Variants in ZNF674 observed in about 807,000 individuals in gnomAD.
ZNF674 encodes zinc finger protein 674, also known as zinc finger family member 674.
ZNF674 carries 2 observed loss-of-function variants against 7.0 expected under a neutral mutation model. The observed-to-expected ratio is 0.29, with a 90% confidence interval of 0.12 to 0.90. The LOEUF (loss-of-function observed/expected upper bound fraction) is 0.90, where lower values mean the gene tolerates loss of function less well. Ranked by LOEUF, ZNF674 falls within the 40% of genes least tolerant of loss-of-function variation. The pLI is 0.57. For missense variants in ZNF674, 297 were observed against 415.5 expected (o/e 0.71, Z 2.48); for synonymous variants, 103 against 145.2 (o/e 0.71, Z 2.09).
chrX:46,531,575 G>A (rs1441743409), intron 3 of ZNF674, among the ~76,000 whole-genome samples: 3 of 111,417 alleles, frequency 2.7e-5, no homozygotes. Flanking sequence ...CCTGGGGCCT[G>A]GGATTACATC....
chrX:46,537,442 G>C (rs763960689), intron 3 of ZNF674, among the ~76,000 whole-genome samples: 1 of 111,768 alleles, frequency 8.9e-6, no homozygotes, highest in African/African-American at 3.2e-5. Flanking sequence ...GCAAACAGTA[G>C]AAGGGCTGAG....
chrX:46,499,804 A>C lies in ZNF674; in HGVS notation c.*39T>G. 1 of 1,007,849 alleles carries C rather than the reference A, an allele frequency of 9.9e-7. No individual in the cohort carries two copies. Among genetic ancestry groups the C allele is most frequent in the South Asian group, 2.7e-5 (1 of 36,727 alleles). 83.1% of individuals were successfully genotyped at this position (1,007,849 alleles called of 1,213,427 possible). A position where few individuals can be genotyped will look rare whatever the true frequency, so the allele number is the denominator to read the frequency against. ...ATGAGACTAGTAATAGTCAAATGAC[A>C]AATAACTACTAGTATAATTATCCCA... On this transcript the variant is annotated 3_prime_UTR_variant, in exon 6 of 6. Transcript: ENST00000683375.
chrX:46,526,598 G>A (rs769871285), intron 5 of ZNF674, among the ~76,000 whole-genome samples: 8 of 110,752 alleles, frequency 7.2e-5, no homozygotes, highest in Non-Finnish European at 1.3e-4. Flanking sequence ...TATCAGCAAC[G>A]ATGGCAAAGT....
intron 5 of ZNF674, chrX:46,525,390 G>C: frequency 4.7e-6 from 1 of 213,771 alleles, no homozygotes; most frequent in Non-Finnish European, 8.8e-6. Flanking sequence ...ATCACCTGAG[G>C]CTGGGAGTTC....
In ZNF674 at chrX:46,538,725, C is replaced by T. The variant is rs752956991; in HGVS notation, c.15+3348G>A. Among the ~76,000 whole-genome samples the T allele has an allele frequency of 5.4e-5, 6 of 111,341 alleles. No individual in the cohort carries two copies. In the East Asian group the frequency reaches 1.4e-3, roughly 26 times the overall value. On this transcript the variant is annotated intron_variant, in intron 3 of 5. Coordinates refer to ENST00000683375, the MANE Select transcript of ZNF674 (RefSeq NM_001190417.2). ...TGGCCAACACAGTAAGACTCCAGCTCTACAAAAAATTGAAAAATTAGCCAG... is the reference window on the plus strand; with the variant it reads ...TGGCCAACACAGTAAGACTCCAGCTTTACAAAAAATTGAAAAATTAGCCAG...
In ZNF674 at chrX:46,499,927, T is replaced by C. The variant is rs773354463; in HGVS notation, c.1647A>G (p.Glu549=). Residue 549 remains glutamate, a synonymous_variant, in exon 6 of 6, where the codon GAA becomes GAG. Coordinates refer to ENST00000683375, the MANE Select transcript of ZNF674 (RefSeq NM_001190417.2). ...TGAATGCTTTCCCACAGTCTCTGCA[T>C]TCATAAGGTTTCTCTCCTGTATGAG... is the stretch of plus-strand genomic sequence containing the variant. ...HRTHTGEKPY[E]CRDCGKAFSG... The C allele has an allele frequency of 3.4e-6, 4 of 1,182,355 alleles. No homozygotes were observed. The East Asian group carries it at 1.2e-4, about 35-fold the overall frequency.
chrX:46,502,305 CAA>C (rs755777788), intron 5 of ZNF674, among the ~76,000 whole-genome samples: 2 of 70,819 alleles, frequency 2.8e-5, no homozygotes. Flanking sequence ...GACTCCGTCT[CAA>C]AAAAAAAAAA....
At chrX:46,505,032 GGT>G (rs1941505747) in intron 5 of ZNF674, among the ~76,000 whole-genome samples, 1 of 110,131 alleles carries the variant, frequency 9.1e-6, no homozygotes, top group Non-Finnish European at 1.9e-5. Context: ...TGGGATTACA[GGT>G]GCACACCACC....
At chrX:46,524,538 C>A (rs188643352) in intron 5 of ZNF674, among the ~76,000 whole-genome samples, 2,695 of 107,060 alleles carry the variant, frequency 0.025, 86 homozygotes, top group African/African-American at 0.086. Flanking sequence ...TATATACACA[C>A]AAAAAAAATT....
Position 46,533,138 on chromosome X carries a change from G to A in ZNF674, c.16-4229C>T, listed in dbSNP as rs536507672. The stretch of plus-strand genomic sequence containing the variant: ...TTGGAACTCCCCAATTACTCCCGCA[G>A]ATAATATCACCATTATAGAACCTAA... On this transcript the variant is annotated intron_variant, in intron 3 of 5. Coordinates refer to ENST00000683375, the MANE Select transcript of ZNF674 (RefSeq NM_001190417.2). Among the ~76,000 whole-genome samples the A allele has an allele frequency of 7.2e-5, 8 of 111,456 alleles. No individual in the cohort carries two copies. The South Asian group carries it at 3.0e-3, about 42-fold the overall frequency.
In ZNF674 at chrX:46,499,409, C is replaced by A. The variant is rs777531039; in HGVS notation, c.*434G>T. On this transcript the variant is annotated 3_prime_UTR_variant, in exon 6 of 6. Transcript: ENST00000683375. ...AACTTGTGAGCTCAAGCAATCTGCCCACCTCAGCCTCCCAAAAGTGCTAGG... is the reference window on the plus strand; with the variant it reads ...AACTTGTGAGCTCAAGCAATCTGCCAACCTCAGCCTCCCAAAAGTGCTAGG... 1 of 114,613 alleles carries A rather than the reference C, an allele frequency of 8.7e-6. No homozygotes were observed. Among genetic ancestry groups the A allele is most frequent in the East Asian group, 2.8e-4 (1 of 3,579 alleles). 9.4% of individuals were successfully genotyped at this position (114,613 alleles called of 1,213,427 possible). A position where few individuals can be genotyped will look rare whatever the true frequency, so the allele number is the denominator to read the frequency against.
chrX:46,511,427 G>A (rs1941650852), intron 5 of ZNF674, among the ~76,000 whole-genome samples: 1 of 111,688 alleles, frequency 9.0e-6, no homozygotes, highest in African/African-American at 3.3e-5. Context: ...TAACTCAGAG[G>A]TATCTAGGAA....
chrX:46,542,128 G>A lies in ZNF674; in HGVS notation c.-29-12C>T. 9.0e-7 allele frequency: 1 copy of A among 1,116,742 alleles called. No individual in the cohort carries two copies. Among genetic ancestry groups the A allele is most frequent in the African/African-American group, 1.8e-5 (1 of 56,006 alleles). 92.0% of individuals were successfully genotyped at this position (1,116,742 alleles called of 1,213,427 possible). ...CAAAGGATGGAGATCTACAAATACA[G>A]AATTAGAAGGGTTGAGTTCAGTGGG... On this transcript the variant is annotated splice_polypyrimidine_tract_variant and intron_variant, in intron 2 of 5. Transcript: ENST00000683375.
In ZNF674 at chrX:46,528,772, C is replaced by T. The variant is rs764069271; in HGVS notation, c.142+11G>A. 4.1e-5 allele frequency: 49 copies of T among 1,209,750 alleles called. No homozygotes were observed. Among genetic ancestry groups the T allele is most frequent in the African/African-American group, 7.0e-5 (4 of 57,124 alleles). On this transcript the variant is annotated intron_variant, in intron 4 of 5. Coordinates refer to ENST00000683375, the MANE Select transcript of ZNF674 (RefSeq NM_001190417.2). Reference sequence around the variant, plus strand: ...AGGCATTCTGCATCACCCTGTGGCGCGGTCCCTCACCCACGGACACCAGGT... The same window carrying T: ...AGGCATTCTGCATCACCCTGTGGCGTGGTCCCTCACCCACGGACACCAGGT...
At chrX:46,524,059 A>T (rs1941964711) in intron 5 of ZNF674, among the ~76,000 whole-genome samples, 1 of 110,962 alleles carries the variant, frequency 9.0e-6, no homozygotes, top group Non-Finnish European at 1.9e-5. Flanking sequence ...AAAAAAAAAG[A>T]ATTTGTAGTT....
At chrX:46,521,959 G>A (rs1370840158) in intron 5 of ZNF674, among the ~76,000 whole-genome samples, 1 of 107,940 alleles carries the variant, frequency 9.3e-6, no homozygotes, top group African/African-American at 3.4e-5. Context: ...TAGGAGGAAG[G>A]CACATACCAT....
At chrX:46,531,663 G>A (rs1436369055) in intron 3 of ZNF674, among the ~76,000 whole-genome samples, 1 of 110,587 alleles carries the variant, frequency 9.0e-6, no homozygotes, top group Non-Finnish European at 1.9e-5. Context: ...CTCAGACCCA[G>A]TAAAACAGCC....
intron 3 of ZNF674, among the ~76,000 whole-genome samples, chrX:46,533,829 A>AAAAAAAAAAAAAAAT (rs1415090691): frequency 1.5e-5 from 1 of 65,554 alleles, no homozygotes; most frequent in Non-Finnish European, 2.4e-5. Flanking sequence ...AAAAAAAAAA[A>AAAAAAAAAAAAAAAT]ATATATATAT....
chrX:46,513,454 G>T (rs762300167), intron 5 of ZNF674, among the ~76,000 whole-genome samples: 2 of 111,679 alleles, frequency 1.8e-5, no homozygotes, highest in African/African-American at 6.5e-5. Flanking sequence ...GTGTGTGTGT[G>T]TACACGAGTC....
Sources: allele counts gnomAD v4.1 joint callset (sites outside exome capture counted in the v4.1 genomes callset), GRCh38; gene constraint gnomAD v4.1.1; transcripts MANE v1.5; gene names NCBI Gene and HGNC (gene_info 2026-07-23, HGNC 2026-07-21).